MBD5: variants seen among roughly 807,000 people sequenced by gnomAD.
MBD5 encodes methyl-CpG-binding domain protein 5.
MBD5 carries 13 observed loss-of-function variants against 117.3 expected under a neutral mutation model. The observed-to-expected ratio is 0.11, with a 90% CI of 0.07 to 0.18. MBD5 has a LOEUF of 0.18. Ranked by LOEUF, MBD5 falls within the 10% of genes least tolerant of loss-of-function variation. MBD5 has a pLI of 1.00. For missense variants in MBD5, 1,879 were observed against 2,093.8 expected (o/e 0.90, Z 2.00); for synonymous variants, 727 against 766.4 (o/e 0.95, Z 0.85).
chr2:148,151,394 T>C (rs1697660447), intron 1 of MBD5, among the ~76,000 whole-genome samples: 2 of 152,182 alleles, frequency 1.3e-5, no homozygotes, highest in Admixed American at 1.3e-4. Flanking sequence ...GATATTGGTC[T>C]AAAATTCTCT....
intron 4 of MBD5, among the ~76,000 whole-genome samples, chr2:148,392,721 G>A (rs1295867677): frequency 2.0e-5 from 3 of 152,168 alleles, no homozygotes; most frequent in African/African-American, 7.2e-5. Flanking sequence ...CCCTACTCCA[G>A]TTTATCTAAG....
chr2:148,203,567 C>T (rs1432337407), intron 2 of MBD5, among the ~76,000 whole-genome samples: 1 of 152,096 alleles, frequency 6.6e-6, no homozygotes, highest in Non-Finnish European at 1.5e-5. Flanking sequence ...TCAAGAGGTG[C>T]GTGTGCATTA....
At position 148,082,747 on chromosome 2, in the gene MBD5, T is replaced by C. The variant is rs549751840; in HGVS notation, c.-925+61063T>C. ...TTTCAGAGGAAGGGGTTTTTTATTA[T>C]GGAACTCTCCTGTTTATTTGCAACT... On this transcript the variant is annotated intron_variant, in intron 1 of 13. Coordinates refer to ENST00000642680, the MANE Select transcript of MBD5 (RefSeq NM_001378120.1). Among the ~76,000 whole-genome samples, 142 of 152,238 alleles carry C rather than the reference T, an allele frequency of 9.3e-4. 1 individual carries two copies. Among genetic ancestry groups the C allele is most frequent in the Non-Finnish European group, 1.9e-3 (127 of 68,024 alleles).
chr2:148,456,943 CA>C (rs955388867), intron 4 of MBD5, among the ~76,000 whole-genome samples: 1 of 151,672 alleles, frequency 6.6e-6, no homozygotes, highest in African/African-American at 2.4e-5. Context: ...ATGAGAGATC[CA>C]AAAAAAGGTT....
At chr2:148,399,867 G>T (rs1208252494) in intron 4 of MBD5, among the ~76,000 whole-genome samples, 3 of 152,112 alleles carry the variant, frequency 2.0e-5, no homozygotes. Flanking sequence ...GCATGAAGGG[G>T]TGTTGAATTT....
chr2:148,506,614 G>A (rs1199723372), intron 12 of MBD5, among the ~76,000 whole-genome samples: 2 of 152,130 alleles, frequency 1.3e-5, no homozygotes, highest in East Asian at 3.8e-4. Flanking sequence ...TCTATTTCTT[G>A]TACTACTCAT....
intron 3 of MBD5, among the ~76,000 whole-genome samples, chr2:148,259,837 G>T (rs1156599964): frequency 1.3e-5 from 2 of 152,140 alleles, no homozygotes; most frequent in African/African-American, 4.8e-5. Context: ...GCACCAGAAG[G>T]CCACCTCAGC....
intron 4 of MBD5, among the ~76,000 whole-genome samples, chr2:148,406,418 A>C (rs1395096934): frequency 6.6e-6 from 1 of 152,186 alleles, no homozygotes; most frequent in Non-Finnish European, 1.5e-5. Flanking sequence ...GCTATGAAGA[A>C]GGCATCCAAA....
At chr2:148,271,916 G>A (rs942360486) in intron 3 of MBD5, among the ~76,000 whole-genome samples, 4 of 152,056 alleles carry the variant, frequency 2.6e-5, no homozygotes, top group African/African-American at 9.7e-5. Flanking sequence ...CTGAAATTCT[G>A]TACCCATCGA....
chr2:148,262,734 G>A (rs1238571523), intron 3 of MBD5, among the ~76,000 whole-genome samples: 1 of 152,202 alleles, frequency 6.6e-6, no homozygotes, highest in African/African-American at 2.4e-5. Flanking sequence ...GGCATACACT[G>A]TCTCTTCCTC....
chr2:148,207,012 T>C (rs923435510), intron 2 of MBD5, among the ~76,000 whole-genome samples: 1 of 152,218 alleles, frequency 6.6e-6, no homozygotes, highest in Non-Finnish European at 1.5e-5. Context: ...TGACTTTATT[T>C]CCAAAGTAGC....
At chr2:148,340,170 T>C (rs1337778882) in intron 3 of MBD5, among the ~76,000 whole-genome samples, 1 of 152,150 alleles carries the variant, frequency 6.6e-6, no homozygotes. Context: ...TCAAGTGAAA[T>C]TTCAAATCTC....
At chr2:148,250,457 C>G (rs1167861049) in intron 3 of MBD5, among the ~76,000 whole-genome samples, 1 of 152,112 alleles carries the variant, frequency 6.6e-6, no homozygotes, top group Admixed American at 6.6e-5. Context: ...TTGCTGGGCC[C>G]CACAGAATAG....
chr2:148,081,667 TC>T (rs1204584522), intron 1 of MBD5, among the ~76,000 whole-genome samples: 2 of 152,136 alleles, frequency 1.3e-5, no homozygotes, highest in Admixed American at 6.5e-5. Flanking sequence ...AGTTCTGGTC[TC>T]CTTTTTTTCA....
At chr2:148,378,619 A>T (rs1008291983) in intron 4 of MBD5, among the ~76,000 whole-genome samples, 3 of 152,054 alleles carry the variant, frequency 2.0e-5, no homozygotes, top group Non-Finnish European at 1.5e-5. Context: ...TTCTATTATT[A>T]AAAAAGATAC....
In MBD5 at chr2:148,468,708, T is replaced by C. The variant is rs1318386904; in HGVS notation, c.765T>C (p.Pro255=). 1 of 1,613,944 alleles carries C rather than the reference T, an allele frequency of 6.2e-7. No individual in the cohort carries two copies. Among genetic ancestry groups the C allele is most frequent in the Non-Finnish European group, 8.5e-7 (1 of 1,179,894 alleles). ...GSPDVFTRSN[P]GFHGAPNSSP... ...CTGATGTTTTCACAAGAAGTAATCC[T>C]GGTTTTCATGGAGCTCCCAATTCTA... The change falls in exon 8 of 14, where the codon CCT becomes CCC. Residue 255 remains proline (P), a synonymous_variant. Transcript: ENST00000642680.
At chr2:148,442,048 C>T (rs1181159576) in intron 4 of MBD5, among the ~76,000 whole-genome samples, 1 of 151,932 alleles carries the variant, frequency 6.6e-6, no homozygotes, top group Non-Finnish European at 1.5e-5. Context: ...TTCTCCTATT[C>T]TGTAGGTTGC....
chr2:148,312,907 C>T (rs1237148837), intron 3 of MBD5, among the ~76,000 whole-genome samples: 1 of 152,170 alleles, frequency 6.6e-6, no homozygotes. Context: ...CAGTCAGGCT[C>T]CTCTGCTGCA....
At chr2:148,126,386 A>G (rs1298999839) in intron 1 of MBD5, among the ~76,000 whole-genome samples, 2 of 133,766 alleles carry the variant, frequency 1.5e-5, no homozygotes, top group Non-Finnish European at 3.1e-5. Flanking sequence ...ATCATGGGTG[A>G]CAGAGGGAGA....
Sources: allele counts gnomAD v4.1 joint callset (sites outside exome capture counted in the v4.1 genomes callset), GRCh38; gene constraint gnomAD v4.1.1; transcripts MANE v1.5; gene names NCBI Gene and HGNC (gene_info 2026-07-23, HGNC 2026-07-21).